The following UGT3A1 variants were observed in gnomAD, a reference collection of about 807,000 sequenced individuals.
UGT3A1 encodes the protein UDP-glycosyltransferase 3A1.
UGT3A1 carries 40 observed loss-of-function variants against 37.6 expected under a neutral mutation model. The ratio of observed to expected loss-of-function variants is 1.06; its 90% CI spans 0.83 to 1.38. The LOEUF is 1.38. Among genes scored for constraint, UGT3A1 ranks in the 40% most tolerant of loss-of-function variants. The probability of loss-of-function intolerance (pLI) is 0.00; values close to 1 mark genes in which losing one functional copy is unlikely to be tolerated. For missense variants in UGT3A1, 642 were observed against 634.2 expected (o/e 1.01, Z -0.13); for synonymous variants, 256 against 232.3 (o/e 1.10, Z -0.93).
Position 35,954,110 on chromosome 5 carries a change from G to T in UGT3A1, c.*92C>A. 2 of 1,386,596 alleles carry T rather than the reference G, an allele frequency of 1.4e-6. No homozygotes were observed. Among genetic ancestry groups the T allele is most frequent in the Non-Finnish European group, 2.0e-6 (2 of 1,011,134 alleles). 85.9% of individuals were successfully genotyped at this position (1,386,596 alleles called of 1,614,324 possible). On this transcript the variant is annotated 3_prime_UTR_variant, in exon 7 of 7. Coordinates refer to ENST00000274278, the MANE Select transcript of UGT3A1 (RefSeq NM_152404.4). ...TGCAGGATCAGTGGCAGGTGGAGCT[G>T]AAGAGAGAACAGAGGGGTGGCGTGT...
Position 35,991,191 on chromosome 5 carries a change from A to G in UGT3A1, c.50T>C (p.Val17Ala). 1 of 1,614,164 alleles carries G rather than the reference A, an allele frequency of 6.2e-7. No homozygotes were observed. The change falls in exon 1 of 7, where the codon GTC becomes GCC. Residue 17 changes from valine (V) to alanine (A), a missense_variant. By Grantham distance (64) the Val-to-Ala change is moderately conservative. Coordinates refer to ENST00000274278, the MANE Select transcript of UGT3A1 (RefSeq NM_152404.4). ...LLLVAFLLSG[V>A]LLSEAAKILT... is the part of the protein sequence containing the mutation. ...GATTTTGGCAGCCTCTGAGAGCAGG[A>G]CCCCAGAAAGAAGGAAGGCCACTAG...
chr5:35,964,660 G>T (rs931649638), intron 4 of UGT3A1, among the ~76,000 whole-genome samples: 1 of 152,146 alleles, frequency 6.6e-6, no homozygotes, highest in Non-Finnish European at 1.5e-5. Flanking sequence ...TAAAAATGGA[G>T]ATGAACACAC....
chr5:35,957,289 T>G lies in UGT3A1; in HGVS notation c.974A>C (p.Gln325Pro). The part of the protein sequence containing the change: ...KMHNAFAHLP[Q>P]GVIWTCQSSH... ...ACTCTGACATGTCCATATCACTCCTTGAGGGAGGTGGGCAAAGGCATTGTG... is the reference window on the plus strand; with the variant it reads ...ACTCTGACATGTCCATATCACTCCTGGAGGGAGGTGGGCAAAGGCATTGTG... Residue 325 changes from glutamine (Q) to proline (P), a missense_variant, in exon 5 of 7, where the codon CAA becomes CCA. Coordinates refer to ENST00000274278, the MANE Select transcript of UGT3A1 (RefSeq NM_152404.4). The G allele has an allele frequency of 1.2e-6, 2 of 1,614,126 alleles. No individual in the cohort carries two copies. Among genetic ancestry groups the G allele is most frequent in the Non-Finnish European group, 8.5e-7 (1 of 1,180,006 alleles).
At chr5:35,955,971 A>G in intron 5 of UGT3A1, 107 bp from the exon 6 acceptor site, 1 of 1,142,070 alleles carries the variant, frequency 8.8e-7, no homozygotes, top group Non-Finnish European at 1.3e-6. Flanking sequence ...AGGTCTGTTG[A>G]GAAAATGAAT....
intron 2 of UGT3A1, among the ~76,000 whole-genome samples, chr5:35,968,762 T>C (rs931586786): frequency 6.6e-6 from 1 of 152,152 alleles, no homozygotes; most frequent in Non-Finnish European, 1.5e-5. Flanking sequence ...CTATGCCTCA[T>C]CTGGTCAAAC....
rs1476702678 is a variant in UGT3A1, at chr5:35,965,867, C to T, written c.362G>A (p.Cys121Tyr). Residue 121 changes from cysteine to tyrosine, a missense_variant, in exon 4 of 7, where the codon TGT becomes TAT. Physicochemically the swap from Cys to Tyr is radical, Grantham distance 194. Transcript: ENST00000274278. ...ATCCTTTCTGCTTAGCAAATAACTA[C>T]ATTGAGTCCCAAATATTTCCATTAG... is the stretch of plus-strand genomic sequence containing the variant. ...VKLMEIFGTQ[C>Y]SYLLSRKDIM... The T allele has an allele frequency of 1.9e-6, 3 of 1,600,346 alleles. No homozygotes were observed. Among genetic ancestry groups the T allele is most frequent in the African/African-American group, 1.3e-5 (1 of 74,268 alleles).
rs535671200 is a variant in UGT3A1 at position 35,957,321 on chromosome 5, C to G, written c.942G>C (p.Lys314Asn). ...GGTGGGCAAAGGCATTGTGCATCTT[C>G]TTGAGGACTTCCTGGGACTGATGGG... ...LNTHQSQEVL[K>N]KMHNAFAHLP... Residue 314 changes from lysine to asparagine, a missense_variant, in exon 5 of 7, where the codon AAG (lysine) becomes AAC (asparagine). Coordinates refer to ENST00000274278, the MANE Select transcript of UGT3A1 (RefSeq NM_152404.4). The G allele has an allele frequency of 5.3e-5, 85 of 1,614,052 alleles. No individual in the cohort carries two copies. The highest frequency in any genetic ancestry group is 6.9e-5 in the Non-Finnish European group (82 of 1,180,040).
At chr5:35,960,127 A>G (rs1459567464) in intron 4 of UGT3A1, among the ~76,000 whole-genome samples, 3 of 152,238 alleles carry the variant, frequency 2.0e-5, no homozygotes, top group Admixed American at 6.5e-5. Flanking sequence ...AGGGATGTAC[A>G]TATTCTATAC....
chr5:35,955,230 T>C (rs1018370995), intron 6 of UGT3A1: 1 of 263,640 alleles, frequency 3.8e-6, no homozygotes, highest in Non-Finnish European at 7.2e-6. Flanking sequence ...GAGACCCAAA[T>C]GTCATGAAGG....
Position 35,988,490 on chromosome 5 carries a change from A to T in UGT3A1, c.156T>A (p.Asn52Lys). The change falls in exon 2 of 7, where the codon AAT (asparagine) becomes AAA (lysine). Residue 52 changes from asparagine (N) to lysine (K), a missense_variant. Asn to Lys is a moderately conservative substitution (Grantham distance 94). Transcript: ENST00000274278. ...VSQILQEHGH[N>K]VTMLHQSGKF... Reference sequence around the variant, plus strand: ...TTCCACTCTGATGAAGCATAGTCACATTATGACCATGCTCTTGAAGAATCT... The same window carrying T: ...TTCCACTCTGATGAAGCATAGTCACTTTATGACCATGCTCTTGAAGAATCT... The T allele has an allele frequency of 6.2e-7, 1 of 1,613,648 alleles. No individual in the cohort carries two copies. The highest frequency in any genetic ancestry group is 8.5e-7 in the Non-Finnish European group (1 of 1,179,798).
intron 1 of UGT3A1, among the ~76,000 whole-genome samples, chr5:35,999,568 A>G (rs1741174498): frequency 6.6e-6 from 1 of 152,248 alleles, no homozygotes; most frequent in Non-Finnish European, 1.5e-5. Context: ...TAAATCCATT[A>G]TTCCAATGGC....
At chr5:35,988,078 G>C (rs1740794619) in intron 2 of UGT3A1, among the ~76,000 whole-genome samples, 1 of 152,104 alleles carries the variant, frequency 6.6e-6, no homozygotes, top group Admixed American at 6.6e-5. Flanking sequence ...TAACCTGTGG[G>C]ATAAGAAGAA....
At chr5:35,983,145 T>G (rs1026795445) in intron 2 of UGT3A1, among the ~76,000 whole-genome samples, 2 of 150,860 alleles carry the variant, frequency 1.3e-5, no homozygotes, top group Non-Finnish European at 2.9e-5. Context: ...TGAAAACAGA[T>G]TAATACACCA....
upstream of UGT3A1, among the ~76,000 whole-genome samples, chr5:35,992,753 G>A (rs1274415023): frequency 3.3e-5 from 5 of 152,066 alleles, no homozygotes; most frequent in Admixed American, 3.3e-4. Context: ...GAGTATGAGA[G>A]AAAAATGAGC....
intron 2 of UGT3A1, among the ~76,000 whole-genome samples, chr5:35,972,691 T>A (rs1740094621): frequency 6.6e-6 from 1 of 152,150 alleles, no homozygotes; most frequent in Admixed American, 6.6e-5. Flanking sequence ...TAGGTGGCAA[T>A]CATTGGATAC....
rs1483074730 is a variant in UGT3A1, at chr5:35,965,839, T to C, written c.390A>G (p.Ile130Met). The C allele has an allele frequency of 6.2e-7, 1 of 1,613,326 alleles. No individual in the cohort carries two copies. Among genetic ancestry groups the C allele is most frequent in the African/African-American group, 1.3e-5 (1 of 75,026 alleles). ...AGTTCTCATTCTTTAAGGAATCCAT[T>C]ATATCCTTTCTGCTTAGCAAATAAC... ...QCSYLLSRKDIMDSLKNENYD... is the reference protein window; with the variant it reads ...QCSYLLSRKDMMDSLKNENYD... The change falls in exon 4 of 7, where the codon ATA becomes ATG. Residue 130 changes from isoleucine to methionine, a missense_variant. Ile to Met is a conservative substitution (Grantham distance 10). Coordinates refer to ENST00000274278, the MANE Select transcript of UGT3A1 (RefSeq NM_152404.4).
intron 6 of UGT3A1, chr5:35,954,953 G>T: frequency 6.2e-6 from 1 of 161,916 alleles, no homozygotes; most frequent in Non-Finnish European, 1.4e-5. Context: ...TGAAATTCAT[G>T]GAAACTTATT....
In UGT3A1 at chr5:35,962,372, G is replaced by A. The variant is rs576794616; in HGVS notation, c.843+3014C>T. 4 of 153,406 alleles carry A rather than the reference G, an allele frequency of 2.6e-5. No homozygotes were observed. In the East Asian group the frequency reaches 5.8e-4, roughly 22 times the overall value. The allele number at this position is 153,406 out of a possible 1,614,324, so 9.5% of individuals were successfully genotyped here. Reference sequence around the variant, plus strand: ...CAAATTCACCTGGCATCTGTTGGAAGAGGAGGAGTGAGACTGGGGCTTGTC... The same window carrying A: ...CAAATTCACCTGGCATCTGTTGGAAAAGGAGGAGTGAGACTGGGGCTTGTC... On this transcript the variant is annotated intron_variant, in intron 4 of 6. Coordinates refer to ENST00000274278, the MANE Select transcript of UGT3A1 (RefSeq NM_152404.4).
At chr5:35,974,327 A>G (rs775287263) in intron 2 of UGT3A1, among the ~76,000 whole-genome samples, 1 of 152,194 alleles carries the variant, frequency 6.6e-6, no homozygotes, top group Non-Finnish European at 1.5e-5. Flanking sequence ...CATAATTGGA[A>G]TAGATATACT....
Sources: allele counts gnomAD v4.1 joint callset (sites outside exome capture counted in the v4.1 genomes callset), GRCh38; gene constraint gnomAD v4.1.1; transcripts MANE v1.5; gene names NCBI Gene and HGNC (gene_info 2026-07-23, HGNC 2026-07-21).